The following AREL1 variants were observed in gnomAD, a reference collection of about 807,000 sequenced individuals.
AREL1 encodes apoptosis resistant E3 ubiquitin protein ligase 1, also known as apoptosis-resistant E3 ubiquitin protein ligase 1.
In AREL1, 62 loss-of-function variants were observed where a neutral mutation model predicts 99.0. The observed-to-expected ratio is 0.63, with a 90% confidence interval of 0.51 to 0.77. AREL1 has a LOEUF of 0.77. AREL1 is among the 30% of genes least tolerant of loss of function. The pLI is 0.00. For missense variants in AREL1, 879 were observed against 1,027.6 expected (o/e 0.86, Z 1.98); for synonymous variants, 380 against 376.5 (o/e 1.01, Z -0.11).
chr14:74,707,852 G>A (rs945022513), intron 1 of AREL1, among the ~76,000 whole-genome samples: 2 of 150,950 alleles, frequency 1.3e-5, no homozygotes, highest in Admixed American at 6.6e-5. Context: ...AGCTACTTGG[G>A]AGGCTGAGGC....
intron 5 of AREL1, 70 bp from the exon 6 acceptor site, chr14:74,676,822 A>T: frequency 8.0e-7 from 1 of 1,248,814 alleles, no homozygotes; most frequent in Non-Finnish European, 1.0e-6. Context: ...TTTGAGATGG[A>T]GTCTCGCTCT....
chr14:74,712,035 G>A (rs1594776340), intron 1 of AREL1: 1 of 28,326 alleles, frequency 3.5e-5, no homozygotes, highest in East Asian at 1.3e-3. Context: ...GGAAGACAAA[G>A]TGCAAAAAAA....
chr14:74,695,505 T>C (rs1026973722), intron 1 of AREL1, among the ~76,000 whole-genome samples: 3 of 152,144 alleles, frequency 2.0e-5, no homozygotes, highest in East Asian at 1.9e-4. Flanking sequence ...TGAGCTACCA[T>C]GCTCACCGCA....
chr14:74,695,915 T>C (rs976306494), intron 1 of AREL1, among the ~76,000 whole-genome samples: 15 of 152,374 alleles, frequency 9.8e-5, no homozygotes, highest in African/African-American at 3.6e-4. Flanking sequence ...CTCAACATTC[T>C]GTATCTCTAA....
At chr14:74,679,295 T>C (rs1233425712) in intron 5 of AREL1, among the ~76,000 whole-genome samples, 1 of 151,880 alleles carries the variant, frequency 6.6e-6, no homozygotes, top group African/African-American at 2.4e-5. Context: ...TGGTGGCACA[T>C]GCCACAGTCC....
chr14:74,704,090 AT>A lies in AREL1; in HGVS notation c.-334+8842del, dbSNP rs1412412935. Among the ~76,000 whole-genome samples, 3 of 151,930 alleles carry A rather than the reference AT, an allele frequency of 2.0e-5. 1 individual carries two copies. The highest frequency in any genetic ancestry group is 2.0e-4 in the Admixed American group (3 of 15,258). ...TCCCTAAGGACTAACAATATTGAGT[AT>A]TTTTTTCATGTGTTTATTGGTTATT... is the stretch of plus-strand genomic sequence containing the variant. On this transcript the variant is annotated intron_variant, in intron 1 of 19. Coordinates refer to ENST00000356357, the MANE Select transcript of AREL1 (RefSeq NM_001039479.2).
chr14:74,676,090 C>G, intron 7 of AREL1, 51 bp downstream of exon 7: 1 of 1,583,386 alleles, frequency 6.3e-7, no homozygotes, highest in Non-Finnish European at 8.6e-7. Context: ...TGCAAACAGG[C>G]AAAGAAACGG....
intron 5 of AREL1, among the ~76,000 whole-genome samples, chr14:74,682,853 T>A (rs530732235): frequency 6.6e-6 from 1 of 152,322 alleles, no homozygotes; most frequent in South Asian, 2.1e-4. Context: ...CCACCATGAG[T>A]GGAAGCTTCG....
chr14:74,676,835 C>A, intron 5 of AREL1, 83 bp from the exon 6 acceptor site: 1 of 1,172,700 alleles, frequency 8.5e-7, no homozygotes, highest in Non-Finnish European at 1.1e-6. Context: ...CTCGCTCTTT[C>A]GCCCAGGCTG....
At chr14:74,674,783 G>T (rs1156381996) in intron 8 of AREL1, among the ~76,000 whole-genome samples, 1 of 152,094 alleles carries the variant, frequency 6.6e-6, no homozygotes, top group Non-Finnish European at 1.5e-5. Context: ...TGCTCAGAAT[G>T]ACTTCCTCCA....
chr14:74,698,373 C>G (rs752203284), intron 1 of AREL1, among the ~76,000 whole-genome samples: 4 of 152,210 alleles, frequency 2.6e-5, no homozygotes, highest in Non-Finnish European at 4.4e-5. Flanking sequence ...CTAGAACATT[C>G]TTGCCTGCCC....
chr14:74,683,027 G>A lies in AREL1; in HGVS notation c.481+269C>T, dbSNP rs188677282. On this transcript the variant is annotated intron_variant, in intron 5 of 19. Coordinates refer to ENST00000356357, the MANE Select transcript of AREL1 (RefSeq NM_001039479.2). ...AGCAGGCAAATCCACAGAGGCAGCA[G>A]ATGAGTGGCTGCCTAGGTCTGGGGG... is the stretch of plus-strand genomic sequence containing the variant. Among the ~76,000 whole-genome samples, 553 of 152,298 alleles carry A rather than the reference G, an allele frequency of 3.6e-3. 8 individuals are homozygous for A. Among genetic ancestry groups the A allele is most frequent in the African/African-American group, 0.013 (520 of 41,562 alleles).
At chr14:74,682,055 T>G (rs531058533) in intron 5 of AREL1, among the ~76,000 whole-genome samples, 1 of 152,308 alleles carries the variant, frequency 6.6e-6, no homozygotes, top group Admixed American at 6.5e-5. Context: ...GGCTGGTACA[T>G]GTAAGGGTAT....
chr14:74,671,368 G>T, intron 12 of AREL1, 40 bp downstream of exon 12: 1 of 961,724 alleles, frequency 1.0e-6, no homozygotes. Flanking sequence ...CGAGTGGGGA[G>T]GAGAGTTCAA....
chr14:74,713,077 G>T lies in AREL1; in HGVS notation c.-478C>A. The stretch of plus-strand genomic sequence containing the variant: ...ACCCGGCCTGGGAACCGGCTCGGGG[G>T]ATTGCCCTTTCCCCAAGGAGTTTCC... On this transcript the variant is annotated 5_prime_UTR_variant, in exon 1 of 20. Coordinates refer to ENST00000356357, the MANE Select transcript of AREL1 (RefSeq NM_001039479.2). 2 of 1,588,852 alleles carry T rather than the reference G, an allele frequency of 1.3e-6. No individual in the cohort carries two copies. Among genetic ancestry groups the T allele is most frequent in the Non-Finnish European group, 8.6e-7 (1 of 1,157,344 alleles).
chr14:74,698,229 T>C (rs1418472673), intron 1 of AREL1, among the ~76,000 whole-genome samples: 3 of 152,196 alleles, frequency 2.0e-5, no homozygotes, highest in Non-Finnish European at 4.4e-5. Context: ...TGCATTACCT[T>C]ACTCATACCA....
At chr14:74,671,094 C>G (rs556197135) in intron 12 of AREL1, among the ~76,000 whole-genome samples, 1 of 152,136 alleles carries the variant, frequency 6.6e-6, no homozygotes, top group South Asian at 2.1e-4. Flanking sequence ...TATGGAAACA[C>G]CAGAGGTCGG....
chr14:74,663,608 C>A lies in AREL1; in HGVS notation c.*112G>T, dbSNP rs760197143. 3 of 1,094,226 alleles carry A rather than the reference C, an allele frequency of 2.7e-6. No individual in the cohort carries two copies. The South Asian group carries it at 3.8e-5, about 14-fold the overall frequency. The allele number at this position is 1,094,226 out of a possible 1,614,324, so 67.8% of individuals were successfully genotyped here. On this transcript the variant is annotated 3_prime_UTR_variant, in exon 20 of 20. Transcript: ENST00000356357. ...AATCCTCCAGACACAGGGGAGCATG[C>A]GGCATCTTCTGGCTGATGGTTATGT...
At chr14:74,664,209 T>A in intron 18 of AREL1, 135 bp from the exon 19 acceptor site, 1 of 965,458 alleles carries the variant, frequency 1.0e-6, no homozygotes, top group Non-Finnish European at 1.5e-6. Flanking sequence ...GTAGGAACAG[T>A]TTGACAAGCA....
Sources: gnomAD v4.1 joint callset for allele counts (sites outside exome capture counted in the v4.1 genomes callset) on GRCh38, gnomAD v4.1.1 for gene constraint, MANE v1.5 for transcripts, NCBI Gene and HGNC (gene_info 2026-07-23, HGNC 2026-07-21) for gene names.